GCSAML: variants seen among roughly 807,000 people sequenced by gnomAD.
The protein encoded by GCSAML is germinal center-associated signaling and motility-like protein.
GCSAML carries 9 observed loss-of-function variants against 13.0 expected under a neutral mutation model. That is an observed-to-expected ratio of 0.69 (90% CI 0.42 to 1.21). The LOEUF is 1.21. GCSAML is among the 50% of genes most tolerant of loss of function. The pLI, the probability that GCSAML is intolerant of heterozygous loss-of-function variation, is 0.00. For missense variants in GCSAML, 143 were observed against 153.4 expected, an observed-to-expected ratio of 0.93 and a Z score of 0.36; for synonymous variants, 37 against 52.9, an observed-to-expected ratio of 0.70 and a Z score of 1.31.
chr1:247,515,606 G>A (rs1443704978), intron 1 of GCSAML, among the ~76,000 whole-genome samples: 1 of 152,166 alleles, frequency 6.6e-6, no homozygotes, highest in Non-Finnish European at 1.5e-5. Context: ...GGCTGTACGG[G>A]AATCATGACT....
intron 2 of GCSAML, among the ~76,000 whole-genome samples, chr1:247,535,418 G>T (rs79867711): frequency 0.022 from 3,370 of 152,290 alleles, 109 homozygotes; most frequent in African/African-American, 0.077. Flanking sequence ...AACTGGGATT[G>T]GGAGAGTTAG....
At chr1:247,530,100 CCTGA>C (rs1473590005) in intron 2 of GCSAML, 3 of 151,590 alleles carry the variant, frequency 2.0e-5, no homozygotes, top group African/African-American at 7.3e-5. Flanking sequence ...TCTGGAGAAC[CCTGA>C]CTAATACAGT....
At chr1:247,565,839 T>C in intron 3 of GCSAML, 92 bp from the exon 4 acceptor site, 2 of 1,003,774 alleles carry the variant, frequency 2.0e-6, no homozygotes. Flanking sequence ...TTCTACATTC[T>C]GTTTTTTTCA....
chr1:247,531,986 C>G (rs369782347), intron 2 of GCSAML: 3 of 1,613,938 alleles, frequency 1.9e-6, no homozygotes, highest in Non-Finnish European at 2.5e-6. Context: ...AAGAAGTGGT[C>G]GATGCAATTG....
At chr1:247,560,508 T>A (rs1036708888) in intron 2 of GCSAML, among the ~76,000 whole-genome samples, 1 of 152,134 alleles carries the variant, frequency 6.6e-6, no homozygotes, top group East Asian at 1.9e-4. Flanking sequence ...ATTTTCCCCA[T>A]GAAAGTTTGA....
intron 4 of GCSAML, among the ~76,000 whole-genome samples, chr1:247,573,636 C>G (rs115276856): frequency 0.018 from 2,733 of 152,236 alleles, 35 homozygotes; most frequent in Non-Finnish European, 0.027. Flanking sequence ...TCCTATTCAG[C>G]TTTGTTCTTT....
Position 247,517,276 on chromosome 1 carries a change from C to A in GCSAML, c.-262-9664C>A, listed in dbSNP as rs201349130. Among the ~76,000 whole-genome samples the A allele has an allele frequency of 7.9e-5, 12 of 152,282 alleles. No individual in the cohort carries two copies. In the East Asian group the frequency reaches 2.3e-3, roughly 29 times the overall value. On this transcript the variant is annotated intron_variant, in intron 1 of 5. Coordinates refer to the GCSAML transcript ENST00000366489. Reference sequence around the variant, plus strand: ...TCTAGGGCCCCCAGGCTATTTTCCCCAAAATGTACAGGTATTGTGAGTAAC... The same window carrying A: ...TCTAGGGCCCCCAGGCTATTTTCCCAAAAATGTACAGGTATTGTGAGTAAC...
At chr1:247,523,219 C>T (rs10925071) in intron 1 of GCSAML, among the ~76,000 whole-genome samples, 111,267 of 151,962 alleles carry the variant, frequency 0.73, 42,500 homozygotes, top group East Asian at 0.97. Context: ...GTTACAGCAG[C>T]GTAATAATCA....
intron 2 of GCSAML, among the ~76,000 whole-genome samples, chr1:247,537,174 T>G (rs1453652263): frequency 6.6e-6 from 1 of 152,234 alleles, no homozygotes; most frequent in Non-Finnish European, 1.5e-5. Context: ...GCTTTCTCTA[T>G]GTATGGATTT....
Position 247,526,848 on chromosome 1 carries a change from G to A in GCSAML, c.-262-92G>A. ...AGACAAGTGGTGTCCAATATGGCATGTTAGCATTTTCCTCTTCATTTACTA... is the reference window on the plus strand; with the variant it reads ...AGACAAGTGGTGTCCAATATGGCATATTAGCATTTTCCTCTTCATTTACTA... On this transcript the variant is annotated intron_variant, in intron 1 of 5. Coordinates refer to the GCSAML transcript ENST00000366489. The surrounding 1 kb of genome is among the most constrained non-coding windows in gnomAD (Gnocchi z 4.8). 1 of 401,462 alleles carries A rather than the reference G, an allele frequency of 2.5e-6. No individual in the cohort carries two copies. Among genetic ancestry groups the A allele is most frequent in the South Asian group, 1.9e-5 (1 of 53,210 alleles). 24.9% of individuals were successfully genotyped at this position (401,462 alleles called of 1,614,324 possible).
chr1:247,556,898 G>A (rs1364540792), intron 2 of GCSAML, among the ~76,000 whole-genome samples: 1 of 152,086 alleles, frequency 6.6e-6, no homozygotes, highest in Admixed American at 6.6e-5. Flanking sequence ...AGGGCCTACA[G>A]TTCCATAAGG....
intron 2 of GCSAML, chr1:247,529,591 TG>T (rs1666826550): frequency 6.6e-6 from 1 of 152,198 alleles, no homozygotes; most frequent in African/African-American, 2.4e-5. Context: ...ATAATCCAGT[TG>T]AAGAATGTTG....
chr1:247,560,835 C>G (rs1390878351), intron 2 of GCSAML, among the ~76,000 whole-genome samples: 1 of 152,196 alleles, frequency 6.6e-6, no homozygotes, highest in Admixed American at 6.5e-5. Flanking sequence ...GTCACCATAT[C>G]TCAGTGTTCC....
At chr1:247,513,142 G>A (rs916980119) in intron 1 of GCSAML, among the ~76,000 whole-genome samples, 1 of 152,178 alleles carries the variant, frequency 6.6e-6, no homozygotes, top group Non-Finnish European at 1.5e-5. Flanking sequence ...CTGTCCCAGG[G>A]AGAAGGGAGT....
At chr1:247,537,201 A>AGTC in intron 2 of GCSAML, among the ~76,000 whole-genome samples, 1 of 152,338 alleles carries the variant, frequency 6.6e-6, no homozygotes, top group South Asian at 2.1e-4. Flanking sequence ...TTTGGATATT[A>AGTC]CATATAAATG....
intron 2 of GCSAML, chr1:247,532,671 G>T: frequency 1.4e-6 from 1 of 713,246 alleles, no homozygotes; most frequent in Non-Finnish European, 2.3e-6. Context: ...TGTGTTGCCC[G>T]GGCTAACTTC....
At chr1:247,531,470 A>G in intron 2 of GCSAML, 1 of 1,428,102 alleles carries the variant, frequency 7.0e-7, no homozygotes, top group Non-Finnish European at 9.5e-7. Context: ...AAGAAAAACG[A>G]CATCCCAAGT....
At chr1:247,524,443 T>A in intron 1 of GCSAML, among the ~76,000 whole-genome samples, 1 of 152,210 alleles carries the variant, frequency 6.6e-6, no homozygotes, top group African/African-American at 2.4e-5. Context: ...TCATGTCACC[T>A]TCTCCAGGCT....
chr1:247,531,917 C>T (rs750101190), intron 2 of GCSAML: 1 of 1,614,220 alleles, frequency 6.2e-7, no homozygotes, highest in South Asian at 1.1e-5. Context: ...AGGTACATCT[C>T]CATCTCATTG....
Sources: allele counts gnomAD v4.1 joint callset (sites outside exome capture counted in the v4.1 genomes callset), GRCh38; gene constraint gnomAD v4.1.1; non-coding constraint Gnocchi (gnomAD v3.1); transcripts MANE v1.5; gene names NCBI Gene and HGNC (gene_info 2026-07-23, HGNC 2026-07-21).